The following PIKFYVE variants were observed in gnomAD, a reference collection of about 807,000 sequenced individuals.
PIKFYVE encodes 1-phosphatidylinositol 3-phosphate 5-kinase.
PIKFYVE carries 122 observed loss-of-function variants against 257.9 expected under a neutral mutation model. The ratio of observed to expected loss-of-function variants is 0.47; its 90% confidence interval spans 0.41 to 0.55. The LOEUF is 0.55. Among genes scored for constraint, PIKFYVE ranks in the 20% least tolerant of loss-of-function variants. PIKFYVE has a pLI of 0.00. For synonymous variants in PIKFYVE, 892 were observed against 868.9 expected (o/e 1.03, Z -0.47); for missense variants, 2,160 against 2,536.6 (o/e 0.85, Z 3.19).
chr2:208,304,495 G>T (rs1694084227), intron 11 of PIKFYVE, among the ~76,000 whole-genome samples, 177 bp downstream of exon 11: 1 of 152,174 alleles, frequency 6.6e-6, no homozygotes. Context: ...CAACTTGTTA[G>T]GTTGACATTT....
Position 208,285,879 on chromosome 2 carries a change from G to A in PIKFYVE, c.767G>A (p.Gly256Glu). The change falls in exon 6 of 42, where the codon GGG becomes GAG. Residue 256 changes from glycine to glutamate, a missense_variant. Gly to Glu is a moderately conservative substitution (Grantham distance 98). Coordinates refer to ENST00000264380, the MANE Select transcript of PIKFYVE (RefSeq NM_015040.4). ...LDPSEPRTPV[G>E]SRKASRNIFL... Reference sequence around the variant, plus strand: ...CCAAGTGAACCCCGAACACCTGTTGGGAGTAGGAAAGCCAGCCGTAACATA... The same window carrying A: ...CCAAGTGAACCCCGAACACCTGTTGAGAGTAGGAAAGCCAGCCGTAACATA... 1 of 1,614,116 alleles carries A rather than the reference G, an allele frequency of 6.2e-7. No homozygotes were observed. Among genetic ancestry groups the A allele is most frequent in the Non-Finnish European group, 8.5e-7 (1 of 1,180,020 alleles).
intron 31 of PIKFYVE, among the ~76,000 whole-genome samples, chr2:208,341,303 T>C (rs1256050072): frequency 6.6e-6 from 1 of 151,098 alleles, no homozygotes; most frequent in Non-Finnish European, 1.5e-5. Context: ...CCTTTAAACT[T>C]TTTTTTTTAA....
chr2:208,273,719 G>A lies in PIKFYVE; in HGVS notation c.308G>A (p.Arg103His), dbSNP rs891262232. 12 of 1,613,984 alleles carry A rather than the reference G, an allele frequency of 7.4e-6. No individual in the cohort carries two copies. The East Asian group carries it at 1.3e-4, about 18-fold the overall frequency. ...KKQLNEELQR[R>H]SSALDTRRKA... The stretch of plus-strand genomic sequence containing the variant: ...CAGCTTAATGAGGAACTCCAGCGGC[G>A]CTCTTCAGCATTAGGTAAAACAGTG... The change falls in exon 3 of 42, where the codon CGC becomes CAC. Residue 103 changes from arginine to histidine, a missense_variant. Physicochemically the swap from Arg to His is conservative, Grantham distance 29. Around this residue, in one of 12 missense-constraint regions of PIKFYVE, gnomAD observed 172 missense variants for 180.6 expected, o/e 0.95. Transcript: ENST00000264380.
Position 208,273,725 on chromosome 2 carries a change from C to T in PIKFYVE, c.314C>T (p.Ser105Leu). Residue 105 changes from serine to leucine, a missense_variant, in exon 3 of 42, where the codon TCA (serine) becomes TTA (leucine). Ser to Leu is a moderately radical substitution (Grantham distance 145). Transcript: ENST00000264380. The part of the protein sequence containing the change: ...QLNEELQRRS[S>L]ALDTRRKAEP... ...AATGAGGAACTCCAGCGGCGCTCTTCAGCATTAGGTAAAACAGTGTTCTTA... is the reference window on the plus strand; with the variant it reads ...AATGAGGAACTCCAGCGGCGCTCTTTAGCATTAGGTAAAACAGTGTTCTTA... The T allele has an allele frequency of 6.2e-7, 1 of 1,614,198 alleles. No individual in the cohort carries two copies. The highest frequency in any genetic ancestry group is 8.5e-7 in the Non-Finnish European group (1 of 1,180,014).
intron 26 of PIKFYVE, 50 bp from the exon 27 acceptor site, chr2:208,335,996 G>A (rs1293393019): frequency 3.1e-6 from 5 of 1,608,552 alleles, no homozygotes; most frequent in Non-Finnish European, 4.3e-6. Context: ...TTTCTTTTGG[G>A]GTATGTCTGT....
Position 208,347,851 on chromosome 2 carries a change from A to C in PIKFYVE, c.5210-8A>C. The C allele has an allele frequency of 6.2e-7, 1 of 1,608,420 alleles. No individual in the cohort carries two copies. The highest frequency in any genetic ancestry group is 8.5e-7 in the Non-Finnish European group (1 of 1,176,924). On this transcript the variant is annotated splice_polypyrimidine_tract_variant and splice_region_variant and intron_variant, in intron 34 of 41. Transcript: ENST00000264380. Reference sequence around the variant, plus strand: ...ACTTAAAATTAATATGTTACTTCTTATTTTTAGCCAAAAAGGCTTCTGGAA... The same window carrying C: ...ACTTAAAATTAATATGTTACTTCTTCTTTTTAGCCAAAAAGGCTTCTGGAA...
chr2:208,306,925 G>A (rs748424248), intron 12 of PIKFYVE, among the ~76,000 whole-genome samples: 18 of 152,036 alleles, frequency 1.2e-4, no homozygotes, highest in African/African-American at 3.4e-4. Context: ...TTACCAGTGC[G>A]CACCACCATG....
rs552592695 is a variant in PIKFYVE, at chr2:208,298,928, T to C, written c.1050+149T>C. On this transcript the variant is annotated intron_variant, in intron 8 of 41. Transcript: ENST00000264380. ...TGTGATCTTGGCTCCCTGCAACCTC[T>C]GCCTCTCAGATTCAAGCGATTCTGG... 7 of 1,010,942 alleles carry C rather than the reference T, an allele frequency of 6.9e-6. No individual in the cohort carries two copies. The African/African-American group carries it at 1.1e-4, about 16-fold the overall frequency. The allele number at this position is 1,010,942 out of a possible 1,614,324, so 62.6% of individuals were successfully genotyped here. A position where few individuals can be genotyped will look rare whatever the true frequency, so the allele number is the denominator to read the frequency against.
chr2:208,303,081 C>G (rs985061107), intron 10 of PIKFYVE, among the ~76,000 whole-genome samples: 1 of 151,832 alleles, frequency 6.6e-6, no homozygotes, highest in African/African-American at 2.4e-5. Flanking sequence ...GGCTCCGTCT[C>G]AAAACAAACA....
chr2:208,345,822 T>C (rs1247351104), intron 33 of PIKFYVE, among the ~76,000 whole-genome samples: 1 of 152,170 alleles, frequency 6.6e-6, no homozygotes, highest in Non-Finnish European at 1.5e-5. Context: ...TATTCCTCCA[T>C]ACATTTTTAT....
rs1422514148 is a variant in PIKFYVE at position 208,355,357 on chromosome 2, A to G, written c.*52A>G. The G allele has an allele frequency of 1.4e-6, 2 of 1,399,782 alleles. No individual in the cohort carries two copies. The highest frequency in any genetic ancestry group is 1.4e-5 in the African/African-American group (1 of 70,632). The allele number at this position is 1,399,782 out of a possible 1,614,324, so 86.7% of individuals were successfully genotyped here. On this transcript the variant is annotated 3_prime_UTR_variant, in exon 42 of 42. Coordinates refer to ENST00000264380, the MANE Select transcript of PIKFYVE (RefSeq NM_015040.4). ...TGTGAAGGAAAAGGGGACAGGAACA[A>G]AGGACCAAAAATAAGCTACATGTTT...
intron 23 of PIKFYVE, among the ~76,000 whole-genome samples, chr2:208,331,986 T>C (rs962775039): frequency 4.5e-4 from 68 of 152,308 alleles, no homozygotes; most frequent in African/African-American, 1.6e-3. Flanking sequence ...CTTTGCTATA[T>C]GCACTTTATT....
intron 4 of PIKFYVE, among the ~76,000 whole-genome samples, chr2:208,277,192 A>G (rs550368527): frequency 1.3e-5 from 2 of 152,258 alleles, no homozygotes; most frequent in South Asian, 4.1e-4. Context: ...TGAAAAGACC[A>G]TCTTTCACTG....
chr2:208,324,924 G>A lies in PIKFYVE; in HGVS notation c.2345G>A (p.Arg782Gln), dbSNP rs376925639. The change falls in exon 19 of 42, where the codon CGA becomes CAA. Residue 782 changes from arginine (R) to glutamine (Q), a missense_variant. Transcript: ENST00000264380. ...TCTGTTTTGTAGCAAGTTTTGGAAC[G>A]AATCAGTCGAATGACCCAAGGTGAT... Reference protein sequence around the residue: ...VINVKSQVLERISRMTQGDLV... With the variant: ...VINVKSQVLEQISRMTQGDLV... The A allele has an allele frequency of 1.8e-5, 29 of 1,613,760 alleles. No homozygotes were observed. The highest frequency in any genetic ancestry group is 2.7e-5 in the African/African-American group (2 of 74,874).
chr2:208,338,675 A>G, intron 29 of PIKFYVE, 107 bp downstream of exon 29: 1 of 1,085,130 alleles, frequency 9.2e-7, no homozygotes, highest in Middle Eastern at 2.1e-4. Context: ...TGTTGTTCAT[A>G]GACTTCTTTT....
chr2:208,280,592 G>A (rs933565558), intron 5 of PIKFYVE, among the ~76,000 whole-genome samples: 5 of 152,216 alleles, frequency 3.3e-5, no homozygotes, highest in Admixed American at 6.5e-5. Context: ...CTGGTAGAAA[G>A]ATTAACGGTG....
intron 22 of PIKFYVE, 115 bp from the exon 23 acceptor site, chr2:208,330,408 C>T: frequency 8.2e-7 from 1 of 1,221,748 alleles, no homozygotes; most frequent in Non-Finnish European, 1.2e-6. Context: ...CAGCTGCAGG[C>T]TCAGAGCAGC....
At chr2:208,273,828 C>T in intron 3 of PIKFYVE, 95 bp downstream of exon 3, 3 of 1,502,498 alleles carry the variant, frequency 2.0e-6, no homozygotes, top group Non-Finnish European at 2.8e-6. Context: ...CTTAACTTTC[C>T]TGCTATTTGG....
At chr2:208,348,598 A>AG (rs1559172593) in intron 35 of PIKFYVE, among the ~76,000 whole-genome samples, 5 of 63,982 alleles carry the variant, frequency 7.8e-5, no homozygotes, top group African/African-American at 2.8e-4. Context: ...AAAAAAAAAA[A>AG]AGTGTGTGTG....
Sources: gnomAD v4.1 joint callset for allele counts (sites outside exome capture counted in the v4.1 genomes callset) on GRCh38, gnomAD v4.1.1 for gene constraint, gnomAD v4.1.1 regional missense constraint, MANE v1.5 for transcripts, NCBI Gene and HGNC (gene_info 2026-07-23, HGNC 2026-07-21) for gene names.